Variants in CAST observed in about 807,000 individuals in gnomAD.
CAST encodes the protein MIR583 host.
Under a neutral mutation model 119.6 loss-of-function variants are expected in CAST, and 76 were observed. The ratio of observed to expected loss-of-function variants is 0.64; its 90% CI spans 0.53 to 0.77. The LOEUF is 0.77. Ranked by LOEUF, CAST falls within the 30% of genes least tolerant of loss-of-function variation. CAST has a pLI of 0.00. For missense variants in CAST, 953 were observed against 946.5 expected, an observed-to-expected ratio of 1.01 and a Z score of -0.09; for synonymous variants, 319 against 331.6, an observed-to-expected ratio of 0.96 and a Z score of 0.41.
chr5:96,418,199 G>C, the CAST span, among the ~76,000 whole-genome samples: 1 of 152,148 alleles, frequency 6.6e-6, no homozygotes, highest in Non-Finnish European at 1.5e-5. Flanking sequence ...ACCTCCAAAC[G>C]TTGAGAGAAA....
chr5:96,433,598 T>C, the CAST span, among the ~76,000 whole-genome samples: 1 of 151,904 alleles, frequency 6.6e-6, no homozygotes, highest in African/African-American at 2.4e-5. Flanking sequence ...CTCATGTGTG[T>C]GGCGGGGAGG....
the CAST span, among the ~76,000 whole-genome samples, chr5:96,359,490 T>G: frequency 6.6e-6 from 1 of 152,220 alleles, no homozygotes; most frequent in Admixed American, 6.5e-5. Context: ...CTTTCCATAT[T>G]TAGTGCTTCT....
the CAST span, chr5:96,050,010 G>C: frequency 1.3e-5 from 2 of 150,530 alleles, no homozygotes; most frequent in African/African-American, 4.9e-5. Flanking sequence ...GGAGAAAATT[G>C]TTAAGAGGAA....
the CAST span, among the ~76,000 whole-genome samples, chr5:96,466,594 GCAGA>G: frequency 6.6e-6 from 1 of 151,826 alleles, no homozygotes; most frequent in Non-Finnish European, 1.5e-5. Context: ...CCATAAACAG[GCAGA>G]CAAACTAAGA....
chr5:96,544,829 T>TA (rs397732689), intron 1 of CAST, among the ~76,000 whole-genome samples: 91,612 of 147,970 alleles, frequency 0.62, 28,432 homozygotes, highest in East Asian at 0.86. Flanking sequence ...TAGGAGTGGA[T>TA]AAAAAAAAAA....
At chr5:96,061,330 G>T in the CAST span, among the ~76,000 whole-genome samples, 1 of 152,038 alleles carries the variant, frequency 6.6e-6, no homozygotes, top group Non-Finnish European at 1.5e-5. Context: ...GAGCTGGATT[G>T]GGTCATACCA....
chr5:96,556,302 C>A (rs902675767), intron 1 of CAST, among the ~76,000 whole-genome samples: 12 of 152,170 alleles, frequency 7.9e-5, no homozygotes, highest in Admixed American at 2.0e-4. Flanking sequence ...AAGCAGAGCG[C>A]CTCTCCTCCT....
At chr5:96,294,468 C>A in the CAST span, among the ~76,000 whole-genome samples, 5 of 152,286 alleles carry the variant, frequency 3.3e-5, no homozygotes, top group East Asian at 7.7e-4. Flanking sequence ...CCACCTGAAC[C>A]AGTTCTCACT....
At chr5:96,586,259 T>C (rs897146683) in intron 1 of CAST, among the ~76,000 whole-genome samples, 3 of 152,230 alleles carry the variant, frequency 2.0e-5, no homozygotes, top group African/African-American at 7.2e-5. Flanking sequence ...ATGGCTCCTT[T>C]TTTTTCCCCT....
chr5:96,559,163 C>T (rs1181554596), intron 1 of CAST, among the ~76,000 whole-genome samples: 1 of 152,112 alleles, frequency 6.6e-6, no homozygotes, highest in African/African-American at 2.4e-5. Flanking sequence ...AACAACCCTT[C>T]ATGCTAAAAT....
intron 1 of CAST, among the ~76,000 whole-genome samples, chr5:96,631,909 G>C (rs956570121): frequency 6.6e-6 from 1 of 152,080 alleles, no homozygotes; most frequent in Non-Finnish European, 1.5e-5. Flanking sequence ...TTAACTTTTT[G>C]AGGAACAGCC....
the CAST span, among the ~76,000 whole-genome samples, chr5:96,057,259 G>A: frequency 6.6e-6 from 1 of 152,170 alleles, no homozygotes; most frequent in Non-Finnish European, 1.5e-5. Flanking sequence ...TATGTTAGGA[G>A]GCAGCTTTAG....
the CAST span, among the ~76,000 whole-genome samples, chr5:96,123,055 T>G: frequency 6.6e-6 from 1 of 152,094 alleles, no homozygotes; most frequent in Admixed American, 6.5e-5. Context: ...GTGAATTAAC[T>G]GAACTAATGG....
the CAST span, among the ~76,000 whole-genome samples, chr5:96,350,485 G>A: frequency 0.021 from 3,264 of 152,088 alleles, 110 homozygotes; most frequent in African/African-American, 0.074. Flanking sequence ...ACATTGTCAG[G>A]GTAAAATTCA....
chr5:96,004,168 C>T, the CAST span, among the ~76,000 whole-genome samples: 1 of 152,204 alleles, frequency 6.6e-6, no homozygotes, highest in Non-Finnish European at 1.5e-5. Context: ...TATGGGGCCT[C>T]TGTCATAGGA....
intron 1 of CAST, among the ~76,000 whole-genome samples, chr5:96,668,614 G>A (rs1400484611): frequency 6.6e-6 from 1 of 152,036 alleles, no homozygotes; most frequent in East Asian, 1.9e-4. Flanking sequence ...CCAGCCCCTG[G>A]GATAGATACC....
At chr5:96,309,703 G>A in the CAST span, among the ~76,000 whole-genome samples, 1 of 152,180 alleles carries the variant, frequency 6.6e-6, no homozygotes, top group South Asian at 2.1e-4. Context: ...TTGGGTAGGG[G>A]AGAGAATTCC....
chr5:96,241,592 C>T, the CAST span, among the ~76,000 whole-genome samples: 1 of 146,042 alleles, frequency 6.8e-6, no homozygotes, highest in African/African-American at 2.5e-5. Flanking sequence ...AATGGGATGG[C>T]TGGGTCAAAT....
At chr5:96,098,369 T>C in the CAST span, among the ~76,000 whole-genome samples, 2 of 152,166 alleles carry the variant, frequency 1.3e-5, no homozygotes, top group African/African-American at 4.8e-5. Context: ...CAATTGCTTT[T>C]AGTGTCTTTT....
Sources: allele counts gnomAD v4.1 joint callset (sites outside exome capture counted in the v4.1 genomes callset), GRCh38; gene constraint gnomAD v4.1.1; transcripts MANE v1.5; gene names NCBI Gene and HGNC (gene_info 2026-07-23, HGNC 2026-07-21).